Variants in GLRA3 observed in about 807,000 individuals in gnomAD.
GLRA3 encodes glycine receptor alpha 3.
Under a neutral mutation model 60.4 loss-of-function variants are expected in GLRA3, and 44 were observed. The observed-to-expected ratio is 0.73, with a 90% CI of 0.57 to 0.94. GLRA3 has a LOEUF of 0.94. GLRA3 is among the 40% of genes least tolerant of loss of function. The pLI is 0.00. For synonymous variants in GLRA3, 223 were observed against 192.9 expected (o/e 1.16, Z -1.29); for missense variants, 508 against 564.6 (o/e 0.90, Z 1.02).
At position 174,829,045 on chromosome 4, in the gene GLRA3, C is replaced by A. The variant is rs1287098621; in HGVS notation, c.-234G>T. On this transcript the variant is annotated 5_prime_UTR_variant, in exon 1 of 10. Transcript: ENST00000274093. ...GCAGGTGATTTTTACAGTGAAATTA[C>A]AAAAATGAGTGAGATGAAATGTCTG... 1 of 462,164 alleles carries A rather than the reference C, an allele frequency of 2.2e-6. No individual in the cohort carries two copies. The highest frequency in any genetic ancestry group is 3.9e-6 in the Non-Finnish European group (1 of 256,104). The allele number at this position is 462,164 out of a possible 1,614,324, so 28.6% of individuals were successfully genotyped here.
intron 5 of GLRA3, among the ~76,000 whole-genome samples, chr4:174,692,209 C>T (rs1363396150): frequency 3.2e-4 from 49 of 150,900 alleles, no homozygotes; most frequent in African/African-American, 1.1e-3. Context: ...CCACCCCGTC[C>T]GGGAGGGAGG....
chr4:174,793,187 T>A (rs888631880), intron 1 of GLRA3, among the ~76,000 whole-genome samples: 4 of 152,084 alleles, frequency 2.6e-5, no homozygotes, highest in Non-Finnish European at 5.9e-5. Flanking sequence ...CTTACTGTAT[T>A]ATTTTTGCTG....
chr4:174,655,823 T>C (rs1733173430), intron 9 of GLRA3, among the ~76,000 whole-genome samples: 1 of 152,104 alleles, frequency 6.6e-6, no homozygotes, highest in African/African-American at 2.4e-5. Context: ...AGTGATTATA[T>C]ATTATAAGAG....
chr4:174,651,692 G>A (rs1014763967), intron 9 of GLRA3, among the ~76,000 whole-genome samples: 3 of 152,208 alleles, frequency 2.0e-5, no homozygotes, highest in African/African-American at 7.2e-5. Flanking sequence ...CAGCATAAAA[G>A]TAAAAACATC....
chr4:174,660,670 G>A (rs1039553149), intron 7 of GLRA3, among the ~76,000 whole-genome samples: 2 of 152,120 alleles, frequency 1.3e-5, no homozygotes, highest in African/African-American at 4.8e-5. Flanking sequence ...ATTTTTGCCT[G>A]AAGCAATTAT....
chr4:174,815,964 C>CTTA (rs1423030174), intron 1 of GLRA3, among the ~76,000 whole-genome samples: 1 of 152,142 alleles, frequency 6.6e-6, no homozygotes, highest in Non-Finnish European at 1.5e-5. Context: ...CATCATCAGG[C>CTTA]TACAAATTTT....
At chr4:174,655,228 T>G in intron 9 of GLRA3, among the ~76,000 whole-genome samples, 1 of 152,176 alleles carries the variant, frequency 6.6e-6, no homozygotes, top group Admixed American at 6.6e-5. Flanking sequence ...TTACTCAGAC[T>G]GTTTCTAAGC....
At chr4:174,755,742 A>G in intron 3 of GLRA3, among the ~76,000 whole-genome samples, 1 of 152,132 alleles carries the variant, frequency 6.6e-6, no homozygotes, top group East Asian at 1.9e-4. Flanking sequence ...TAGAGAAAGC[A>G]ATCAGAATAT....
In GLRA3 at chr4:174,659,008, G is replaced by A. The variant is rs371578056; in HGVS notation, c.1071+46C>T. ...TATTAAATACAACAAATTCACTTTC[G>A]AGTGAAAACTGGATTCTGCCAAACC... On this transcript the variant is annotated intron_variant, in intron 8 of 9. Transcript: ENST00000274093. The A allele has an allele frequency of 4.3e-5, 65 of 1,519,436 alleles. No individual in the cohort carries two copies. The African/African-American group carries it at 7.9e-4, about 18-fold the overall frequency. The allele number at this position is 1,519,436 out of a possible 1,614,324, so 94.1% of individuals were successfully genotyped here.
At position 174,638,930 on chromosome 4, in the gene GLRA3, A is replaced by G. The variant is rs1732563233; in HGVS notation, c.*4856T>C. On this transcript the variant is annotated 3_prime_UTR_variant, in exon 10 of 10. Coordinates refer to ENST00000274093, the MANE Select transcript of GLRA3 (RefSeq NM_006529.4). ...AAATGTGTAAGGAATTCCAACACAT[A>G]GCCAGGGTTCAAAATCACTTTTTAA... is the stretch of plus-strand genomic sequence containing the variant. The G allele has an allele frequency of 6.6e-6, 1 of 152,242 alleles. No homozygotes were observed. Among genetic ancestry groups the G allele is most frequent in the Non-Finnish European group, 1.5e-5 (1 of 68,046 alleles). 9.4% of individuals were successfully genotyped at this position (152,242 alleles called of 1,614,324 possible). A position where few individuals can be genotyped will look rare whatever the true frequency, so the allele number is the denominator to read the frequency against.
chr4:174,717,007 C>A (rs1203094509), intron 4 of GLRA3, among the ~76,000 whole-genome samples: 1 of 151,384 alleles, frequency 6.6e-6, no homozygotes, highest in East Asian at 1.9e-4. Context: ...TTGTGATCAT[C>A]CTGGGCAACA....
chr4:174,766,427 CAG>C (rs1273752993), intron 3 of GLRA3, among the ~76,000 whole-genome samples: 1 of 151,910 alleles, frequency 6.6e-6, no homozygotes, highest in Non-Finnish European at 1.5e-5. Context: ...AAATTTAAGA[CAG>C]AAGAAATTTG....
At chr4:174,688,470 T>G (rs1253405329) in intron 5 of GLRA3, among the ~76,000 whole-genome samples, 3 of 150,570 alleles carry the variant, frequency 2.0e-5, no homozygotes, top group Non-Finnish European at 4.4e-5. Context: ...ACTTATTCTG[T>G]TTTAGTCAGT....
rs372422686 is a variant in GLRA3, at chr4:174,720,238, C to T, written c.492-4668G>A. Among the ~76,000 whole-genome samples, 6 of 152,214 alleles carry T rather than the reference C, an allele frequency of 3.9e-5. No individual in the cohort carries two copies. The East Asian group carries it at 1.2e-3, about 29-fold the overall frequency. On this transcript the variant is annotated intron_variant, in intron 4 of 9. Transcript: ENST00000274093. ...TATTCTGTGGTAAAGATATTACTAT[C>T]CTCTTTTTACAAGTGACAAAACTGA... is the stretch of plus-strand genomic sequence containing the variant.
chr4:174,701,393 T>C (rs999178862), intron 5 of GLRA3, among the ~76,000 whole-genome samples: 6 of 152,188 alleles, frequency 3.9e-5, no homozygotes, highest in Non-Finnish European at 7.3e-5. Context: ...CCTTTCAAAA[T>C]ATCACTGCTG....
chr4:174,669,969 C>T (rs1733841040), intron 7 of GLRA3, among the ~76,000 whole-genome samples: 1 of 152,122 alleles, frequency 6.6e-6, no homozygotes, highest in African/African-American at 2.4e-5. Flanking sequence ...ACTTTCGTCA[C>T]CAGACAAGGA....
chr4:174,765,291 T>A (rs534875516), intron 3 of GLRA3, among the ~76,000 whole-genome samples: 1 of 152,118 alleles, frequency 6.6e-6, no homozygotes, highest in South Asian at 2.1e-4. Context: ...AAAGGCACTT[T>A]CAGAAAACTG....
chr4:174,647,411 G>GAA (rs11424236), intron 9 of GLRA3, among the ~76,000 whole-genome samples: 2,718 of 134,900 alleles, frequency 0.02, 41 homozygotes, highest in African/African-American at 0.041. Context: ...CCCATCTCAA[G>GAA]AAAAAAAAAA....
At chr4:174,685,448 G>A (rs920515991) in intron 5 of GLRA3, among the ~76,000 whole-genome samples, 2 of 152,072 alleles carry the variant, frequency 1.3e-5, no homozygotes, top group East Asian at 1.9e-4. Flanking sequence ...TCAGTGTGAC[G>A]GCTCATTATG....
Sources: allele counts gnomAD v4.1 joint callset (sites outside exome capture counted in the v4.1 genomes callset), GRCh38; gene constraint gnomAD v4.1.1; transcripts MANE v1.5; gene names NCBI Gene and HGNC (gene_info 2026-07-23, HGNC 2026-07-21).